Variants in FAM135B observed in about 807,000 individuals in gnomAD.
The protein encoded by FAM135B is family with sequence similarity 135 member B, also known as protein FAM135B.
A neutral mutation model predicts 127.7 loss-of-function variants in FAM135B; 43 were observed. The observed-to-expected ratio is 0.34, with a 90% confidence interval of 0.26 to 0.43. The LOEUF is 0.43. Among genes scored for constraint, FAM135B ranks in the 20% least tolerant of loss-of-function variants. The pLI is 1.00. For synonymous variants in FAM135B, 670 were observed against 665.1 expected (o/e 1.01, Z -0.11); for missense variants, 1,558 against 1,725.6 (o/e 0.90, Z 1.72).
chr8:138,337,702 C>G (rs1828713992), intron 2 of FAM135B, among the ~76,000 whole-genome samples: 1 of 152,036 alleles, frequency 6.6e-6, no homozygotes, highest in Admixed American at 6.6e-5. Flanking sequence ...TTTATAGATT[C>G]AATGCCATCC....
rs558848206 is a variant in FAM135B at position 138,339,001 on chromosome 8, A to C, written c.78-28081T>G. 3.9e-5 allele frequency among the ~76,000 whole-genome samples: 6 copies of C among 151,916 alleles called. No homozygotes were observed. In the South Asian group the frequency reaches 1.3e-3, roughly 32 times the overall value. On this transcript the variant is annotated intron_variant, in intron 2 of 19. Transcript: ENST00000395297. ...TGGAAACCATCATTCTCAGCAAACT[A>C]TCGCAAGGACAAAAAACCAAACACC... is the stretch of plus-strand genomic sequence containing the variant.
chr8:138,316,763 G>A (rs1200351344), intron 2 of FAM135B, among the ~76,000 whole-genome samples: 1 of 152,024 alleles, frequency 6.6e-6, no homozygotes, highest in East Asian at 2.0e-4. Flanking sequence ...GGTAGATCAC[G>A]AGATCAGGAG....
At chr8:138,206,386 C>T (rs1276773973) in intron 7 of FAM135B, among the ~76,000 whole-genome samples, 10 of 148,734 alleles carry the variant, frequency 6.7e-5, no homozygotes, top group East Asian at 2.0e-4. Flanking sequence ...TCTATCATCC[C>T]CTCCACCTAC....
At chr8:138,229,521 G>A (rs757600624) in intron 7 of FAM135B, among the ~76,000 whole-genome samples, 25 of 152,158 alleles carry the variant, frequency 1.6e-4, no homozygotes, top group Non-Finnish European at 2.1e-4. Flanking sequence ...AACTCTCAGT[G>A]TGTAACAACA....
intron 7 of FAM135B, among the ~76,000 whole-genome samples, chr8:138,231,159 T>G (rs1409319551): frequency 3.3e-5 from 5 of 152,000 alleles, no homozygotes; most frequent in Non-Finnish European, 2.9e-5. Context: ...CTGCTGGGAC[T>G]ACAGGTTCAT....
intron 2 of FAM135B, among the ~76,000 whole-genome samples, chr8:138,318,772 A>G (rs1827253419): frequency 6.6e-6 from 1 of 152,204 alleles, no homozygotes; most frequent in Non-Finnish European, 1.5e-5. Flanking sequence ...CAAGAACTTA[A>G]TTATATTGAA....
intron 3 of FAM135B, among the ~76,000 whole-genome samples, chr8:138,288,170 C>A (rs1210224102): frequency 6.6e-6 from 1 of 152,160 alleles, no homozygotes; most frequent in Admixed American, 6.5e-5. Flanking sequence ...AAGGTTTGTT[C>A]ATTCATTCAT....
intron 7 of FAM135B, among the ~76,000 whole-genome samples, chr8:138,202,534 G>A (rs1041506273): frequency 6.6e-6 from 1 of 152,136 alleles, no homozygotes; most frequent in Non-Finnish European, 1.5e-5. Flanking sequence ...TTCCAGGCAT[G>A]AGCCATGCCC....
At chr8:138,367,478 T>G (rs1362023465) in intron 2 of FAM135B, 9 of 458,070 alleles carry the variant, frequency 2.0e-5, no homozygotes, top group Non-Finnish European at 3.9e-5. Flanking sequence ...ACCTTATCAG[T>G]TTTTGAAAGA....
chr8:138,384,707 G>T (rs1832079468), intron 1 of FAM135B, among the ~76,000 whole-genome samples: 1 of 152,010 alleles, frequency 6.6e-6, no homozygotes, highest in South Asian at 2.1e-4. Context: ...TGCAGCCATG[G>T]AAGGAAACAT....
At chr8:138,379,322 A>C (rs1831686958) in intron 1 of FAM135B, among the ~76,000 whole-genome samples, 1 of 152,104 alleles carries the variant, frequency 6.6e-6, no homozygotes, top group South Asian at 2.1e-4. Context: ...ATCCTACTAT[A>C]GTAATATCTA....
At chr8:138,483,859 T>A (rs1323958339) in intron 1 of FAM135B, among the ~76,000 whole-genome samples, 1 of 152,214 alleles carries the variant, frequency 6.6e-6, no homozygotes, top group Non-Finnish European at 1.5e-5. Context: ...AGTCTAGGTA[T>A]ACACTATACG....
At chr8:138,457,616 A>T (rs987700811) in intron 1 of FAM135B, among the ~76,000 whole-genome samples, 2 of 152,170 alleles carry the variant, frequency 1.3e-5, no homozygotes, top group African/African-American at 4.8e-5. Context: ...TCACTTTACA[A>T]GGGTTTTCAT....
chr8:138,217,682 C>T (rs1818676341), intron 7 of FAM135B, among the ~76,000 whole-genome samples: 1 of 152,160 alleles, frequency 6.6e-6, no homozygotes, highest in South Asian at 2.1e-4. Context: ...CCGCTCGCCT[C>T]AGCTTACCAA....
At chr8:138,355,779 T>C (rs896631741) in intron 2 of FAM135B, among the ~76,000 whole-genome samples, 2 of 152,092 alleles carry the variant, frequency 1.3e-5, no homozygotes, top group African/African-American at 4.8e-5. Context: ...ATTTAAGAAA[T>C]AGGGGGAGAA....
At chr8:138,346,425 AATCAATGATAGACTGGG>A (rs1272617900) in intron 2 of FAM135B, among the ~76,000 whole-genome samples, 2 of 152,234 alleles carry the variant, frequency 1.3e-5, no homozygotes, top group African/African-American at 4.8e-5. Flanking sequence ...CCCAAATGCC[AATCAATGATAGACTGGG>A]TAAAGAAAAT....
In FAM135B at chr8:138,226,184, T is replaced by TGTGCGCGCGC; in HGVS notation, c.669+16757_669+16758insGCGCGCGCAC. ...GTGTGTGTGTGTGTGTGTGTGTGTG[T>TGTGCGCGCGC]GCGCGCATGTCATTTTTTTTTTCAT... On this transcript the variant is annotated intron_variant, in intron 7 of 19. Transcript: ENST00000395297. 1.1e-4 allele frequency among the ~76,000 whole-genome samples: 16 copies of TGTGCGCGCGC among 139,292 alleles called. No individual in the cohort carries two copies. The East Asian group carries it at 1.8e-3, about 15-fold the overall frequency. The allele number at this position is 139,292 out of a possible 152,430, so 91.4% of individuals were successfully genotyped here.
chr8:138,147,608 C>T (rs920899661), intron 14 of FAM135B, among the ~76,000 whole-genome samples: 1 of 152,100 alleles, frequency 6.6e-6, no homozygotes. Flanking sequence ...GACATATGCA[C>T]CTTGAACTAG....
At chr8:138,207,928 C>A (rs996238941) in intron 7 of FAM135B, among the ~76,000 whole-genome samples, 8 of 152,162 alleles carry the variant, frequency 5.3e-5, no homozygotes, top group Non-Finnish European at 1.2e-4. Context: ...ATCCAGGGCT[C>A]ACGACTCATG....
Sources: allele counts gnomAD v4.1 joint callset (sites outside exome capture counted in the v4.1 genomes callset), GRCh38; gene constraint gnomAD v4.1.1; transcripts MANE v1.5; gene names NCBI Gene and HGNC (gene_info 2026-07-23, HGNC 2026-07-21).